NEK6: variants seen among roughly 807,000 people sequenced by gnomAD.
NEK6 encodes the protein serine/threonine-protein kinase Nek6.
Under a neutral mutation model 43.5 loss-of-function variants are expected in NEK6, and 27 were observed. That is an observed-to-expected ratio of 0.62 (90% confidence interval 0.46 to 0.86). The LOEUF (loss-of-function observed/expected upper bound fraction) is 0.86, where lower values mean the gene tolerates loss of function less well. Among genes scored for constraint, NEK6 ranks in the 40% least tolerant of loss-of-function variants. NEK6 has a pLI of 0.00. For synonymous variants in NEK6, 167 were observed against 164.1 expected, an observed-to-expected ratio of 1.02 and a Z score of -0.14; for missense variants, 318 against 414.4, an observed-to-expected ratio of 0.77 and a Z score of 2.02.
rs952586374 is a variant in NEK6 at position 124,324,775 on chromosome 9, G to A, written c.406-1555G>A. Among the ~76,000 whole-genome samples, 4 of 152,128 alleles carry A rather than the reference G, an allele frequency of 2.6e-5. No individual in the cohort carries two copies. The highest frequency in any genetic ancestry group is 4.8e-5 in the African/African-American group (2 of 41,422). On this transcript the variant is annotated intron_variant, in intron 5 of 9. Transcript: ENST00000320246. The surrounding 1 kb of genome is among the most constrained non-coding windows in gnomAD (Gnocchi z 5.3). The stretch of plus-strand genomic sequence containing the variant: ...TCCCCACTGCGACTGTCCCACCGTG[G>A]GAAGCACCCAGACCTGGGTCCCAGC...
upstream of NEK6, chr9:124,257,685 G>C (rs1205757386): frequency 6.5e-7 from 1 of 1,533,734 alleles, no homozygotes; most frequent in Non-Finnish European, 8.7e-7. Context: ...CATAAGTCTA[G>C]AGCCGGAGAA....
At chr9:124,311,078 G>A (rs1412233513) in intron 2 of NEK6, among the ~76,000 whole-genome samples, 1 of 152,188 alleles carries the variant, frequency 6.6e-6, no homozygotes, top group African/African-American at 2.4e-5. Context: ...CCCCTGCTCC[G>A]CAGGCATCTC....
rs1834345770 is a variant in NEK6, at chr9:124,326,495, C to T, written c.514+57C>T. The T allele has an allele frequency of 1.0e-5, 13 of 1,268,978 alleles. 2 individuals carry two copies. The South Asian group carries it at 1.4e-4, about 14-fold the overall frequency. 78.6% of individuals were successfully genotyped at this position (1,268,978 alleles called of 1,614,324 possible). A position where few individuals can be genotyped will look rare whatever the true frequency, so the allele number is the denominator to read the frequency against. On this transcript the variant is annotated intron_variant, in intron 6 of 9. Coordinates refer to ENST00000320246, the MANE Select transcript of NEK6 (RefSeq NM_014397.6). The surrounding 1 kb of genome is among the most constrained non-coding windows in gnomAD (Gnocchi z 4.5). ...CCACCTGGAGCCCAGGAAGACACTT[C>T]CTCATGGCTCCTCCAGGGTCCTCAG...
chr9:124,326,202 T>TCCACCCCCCCCCC lies in NEK6; in HGVS notation c.406-126_406-125insACCCCCCCCCCCC. ...GCTTATTGTTTGCTCAGTGGCTCAA[T>TCCACCCCCCCCCC]CCCCCCCCCCCGCCCCTGCCAGGCA... On this transcript the variant is annotated intron_variant, in intron 5 of 9. Coordinates refer to ENST00000320246, the MANE Select transcript of NEK6 (RefSeq NM_014397.6). This position sits in a 1 kb window ranked among gnomAD's most constrained non-coding sequence, Gnocchi z 4.5. The TCCACCCCCCCCCC allele has an allele frequency of 8.1e-6, 1 of 124,052 alleles. No individual in the cohort carries two copies. Among genetic ancestry groups the TCCACCCCCCCCCC allele is most frequent in the Non-Finnish European group, 2.0e-5 (1 of 50,618 alleles). The allele number at this position is 124,052 out of a possible 1,614,324, so 7.7% of individuals were successfully genotyped here.
At chr9:124,258,426 CGGA>C (rs1830895736) in intron 1 of NEK6, 1 of 859,332 alleles carries the variant, frequency 1.2e-6, no homozygotes, top group Admixed American at 6.2e-5. Flanking sequence ...GGACGACGGG[CGGA>C]GGAGTGTGCC....
intron 2 of NEK6, among the ~76,000 whole-genome samples, chr9:124,304,619 C>G (rs1432297509): frequency 6.6e-6 from 1 of 152,174 alleles, no homozygotes; most frequent in East Asian, 1.9e-4. Flanking sequence ...AAAACCATTT[C>G]TGTTTTCATA....
chr9:124,345,226 G>A (rs1829855935), intron 8 of NEK6, among the ~76,000 whole-genome samples: 1 of 152,188 alleles, frequency 6.6e-6, no homozygotes, highest in Admixed American at 6.5e-5. Context: ...TCTCTATTTC[G>A]ACCAGTCAGA....
chr9:124,313,509 A>C (rs1419656052), intron 3 of NEK6, among the ~76,000 whole-genome samples: 3 of 152,108 alleles, frequency 2.0e-5, no homozygotes, highest in Admixed American at 1.3e-4. Flanking sequence ...CTGGGACTAC[A>C]GGCGTGCACC....
At chr9:124,261,258 TG>T in intron 1 of NEK6, 2 of 343,658 alleles carry the variant, frequency 5.8e-6, no homozygotes, top group Non-Finnish European at 8.2e-6. Context: ...CCAGAGCTAC[TG>T]GAGAGAAAGG....
rs886165909 is a variant in NEK6, at chr9:124,257,979, C to A, written c.-136C>A. On this transcript the variant is annotated 5_prime_UTR_variant, in exon 1 of 10. Coordinates refer to ENST00000320246, the MANE Select transcript of NEK6 (RefSeq NM_014397.6). ...GGCGGCGGCGGCGGAACCGAGCTGA[C>A]GGGCGTGCGGCCGCTGCGCCGCAAA... 7.2e-4 allele frequency: 705 copies of A among 978,612 alleles called. 1 individual carries two copies. The highest frequency in any genetic ancestry group is 1.1e-3 in the Admixed American group (18 of 15,672). 60.6% of individuals were successfully genotyped at this position (978,612 alleles called of 1,614,324 possible). A position where few individuals can be genotyped will look rare whatever the true frequency, so the allele number is the denominator to read the frequency against.
chr9:124,295,082 C>CCCACCCTGGGGGAGGCCCCA (rs1832617514), intron 1 of NEK6, among the ~76,000 whole-genome samples: 1 of 152,198 alleles, frequency 6.6e-6, no homozygotes, highest in African/African-American at 2.4e-5. Context: ...ATGCTGCAGG[C>CCCACCCTGGGGGAGGCCCCA]CCACCCTGGG....
At chr9:124,339,337 T>C (rs1305870869) in intron 7 of NEK6, among the ~76,000 whole-genome samples, 1 of 146,418 alleles carries the variant, frequency 6.8e-6, no homozygotes, top group African/African-American at 2.5e-5. Context: ...GGGAATCTGC[T>C]TCAAGTCCCT....
At chr9:124,292,514 T>C in intron 1 of NEK6, 1 of 1,536,872 alleles carries the variant, frequency 6.5e-7, no homozygotes, top group Non-Finnish European at 8.7e-7. Context: ...CTGGATGGGA[T>C]TCTAGATGCT....
chr9:124,346,520 C>T lies in NEK6; in HGVS notation c.718-1189C>T, dbSNP rs188303897. On this transcript the variant is annotated intron_variant, in intron 8 of 9. Coordinates refer to ENST00000320246, the MANE Select transcript of NEK6 (RefSeq NM_014397.6). ...GCAGGGTGGCCCCTCCGGGGGGGAA[C>T]CGGGGCCAGACAGCAGGAGGGCACT... Among the ~76,000 whole-genome samples, 48 of 152,286 alleles carry T rather than the reference C, an allele frequency of 3.2e-4. 1 individual carries two copies. In the East Asian group the frequency reaches 8.7e-3, roughly 28 times the overall value.
chr9:124,300,839 T>C lies in NEK6; in HGVS notation c.-29-1097T>C, dbSNP rs552743216. Among the ~76,000 whole-genome samples the C allele has an allele frequency of 3.9e-5, 6 of 152,190 alleles. No individual in the cohort carries two copies. In the East Asian group the frequency reaches 1.2e-3, roughly 29 times the overall value. ...CTCAGGACTTCTGGCTCTCCAGGGG[T>C]ACAGCTGAGCTGCTCCAGGAGCCTA... On this transcript the variant is annotated intron_variant, in intron 1 of 9. Transcript: ENST00000320246.
chr9:124,283,725 A>G (rs1386255537), intron 1 of NEK6, among the ~76,000 whole-genome samples: 7 of 152,152 alleles, frequency 4.6e-5, no homozygotes, highest in Non-Finnish European at 5.9e-5. Context: ...CCTCACCTTT[A>G]GGCCTTTGCA....
rs148623482 is a variant in NEK6, at chr9:124,310,199, C to T, written c.91-2310C>T. ...GCCTGATCAGAACAGGTCACTGCTA[C>T]CCCTCCAAGCCTCAGATTCCTGAAA... On this transcript the variant is annotated intron_variant, in intron 2 of 9. Transcript: ENST00000320246. Among the ~76,000 whole-genome samples the T allele has an allele frequency of 6.2e-3, 947 of 152,334 alleles. 25 individuals are homozygous for T. Among genetic ancestry groups the T allele is most frequent in the East Asian group, 0.049 (254 of 5,168 alleles).
intron 8 of NEK6, among the ~76,000 whole-genome samples, chr9:124,345,540 C>T (rs1426333366): frequency 6.6e-6 from 1 of 152,314 alleles, no homozygotes; most frequent in Non-Finnish European, 1.5e-5. Context: ...GCTCAATGCT[C>T]CCCTCAGCGT....
intron 8 of NEK6, among the ~76,000 whole-genome samples, chr9:124,344,508 C>T (rs761378322): frequency 2.0e-5 from 3 of 152,220 alleles, no homozygotes; most frequent in East Asian, 1.9e-4. Context: ...AGTGCTGGCC[C>T]GAACATGGAG....
Sources: allele counts gnomAD v4.1 joint callset (sites outside exome capture counted in the v4.1 genomes callset), GRCh38; gene constraint gnomAD v4.1.1; non-coding constraint Gnocchi (gnomAD v3.1); transcripts MANE v1.5; gene names NCBI Gene and HGNC (gene_info 2026-07-23, HGNC 2026-07-21).